ARHGAP26: variants seen among roughly 807,000 people sequenced by gnomAD.
The protein encoded by ARHGAP26 is rho GTPase-activating protein 26.
A neutral mutation model predicts 104.8 loss-of-function variants in ARHGAP26; 38 were observed. That is an observed-to-expected ratio of 0.36 (90% CI 0.28 to 0.48). ARHGAP26 has a LOEUF of 0.48. Ranked by LOEUF, ARHGAP26 falls within the 20% of genes least tolerant of loss-of-function variation. The pLI, the probability that ARHGAP26 is intolerant of heterozygous loss-of-function variation, is 0.99. For synonymous variants in ARHGAP26, 341 were observed against 340.0 expected (o/e 1.00, Z -0.03); for missense variants, 704 against 947.9 (o/e 0.74, Z 3.38).
intron 17 of ARHGAP26, among the ~76,000 whole-genome samples, chr5:143,080,427 G>T (rs1789639305): frequency 6.6e-6 from 1 of 152,190 alleles, no homozygotes. Context: ...AAGTATTGAG[G>T]ATGGACAAGG....
At chr5:143,197,813 T>C (rs1199532410) in intron 20 of ARHGAP26, among the ~76,000 whole-genome samples, 3 of 152,216 alleles carry the variant, frequency 2.0e-5, no homozygotes, top group Non-Finnish European at 4.4e-5. Flanking sequence ...ATGTATGGTG[T>C]GAGGTAGGGG....
chr5:142,807,591 G>A (rs542181132), intron 1 of ARHGAP26, among the ~76,000 whole-genome samples: 1 of 152,304 alleles, frequency 6.6e-6, no homozygotes, highest in South Asian at 2.1e-4. Flanking sequence ...GTCTACAGAC[G>A]GCTCTATTGA....
At chr5:142,846,748 G>T (rs1000240739) in intron 1 of ARHGAP26, among the ~76,000 whole-genome samples, 1 of 152,158 alleles carries the variant, frequency 6.6e-6, no homozygotes, top group African/African-American at 2.4e-5. Flanking sequence ...AGACACTTTG[G>T]TATCTTATTT....
chr5:143,057,147 A>G (rs899648252), intron 16 of ARHGAP26, among the ~76,000 whole-genome samples: 3 of 152,232 alleles, frequency 2.0e-5, no homozygotes, highest in African/African-American at 7.2e-5. Context: ...TCTTTCTAGC[A>G]GGCTGGTTGT....
chr5:142,943,944 A>G (rs1766743059), intron 11 of ARHGAP26, among the ~76,000 whole-genome samples: 1 of 151,978 alleles, frequency 6.6e-6, no homozygotes, highest in Non-Finnish European at 1.5e-5. Context: ...ATTTGCTTGA[A>G]TTTTTCATAA....
intron 11 of ARHGAP26, among the ~76,000 whole-genome samples, chr5:142,976,185 G>T (rs1184228797): frequency 6.6e-6 from 1 of 152,144 alleles, no homozygotes; most frequent in Non-Finnish European, 1.5e-5. Context: ...TCCCATGAAG[G>T]ATTCTGCAGA....
chr5:142,823,525 GT>G (rs1766620025), intron 1 of ARHGAP26, among the ~76,000 whole-genome samples: 1 of 151,498 alleles, frequency 6.6e-6, no homozygotes, highest in South Asian at 2.1e-4. Flanking sequence ...CACTCTTTTT[GT>G]TTTTGGAACA....
At chr5:142,836,176 G>A (rs745507038) in intron 1 of ARHGAP26, among the ~76,000 whole-genome samples, 5 of 152,158 alleles carry the variant, frequency 3.3e-5, no homozygotes, top group Non-Finnish European at 5.9e-5. Context: ...GGCATCCTGG[G>A]CAGGGGCTCT....
At chr5:142,860,773 G>C (rs1753177185) in intron 1 of ARHGAP26, among the ~76,000 whole-genome samples, 1 of 152,190 alleles carries the variant, frequency 6.6e-6, no homozygotes, top group African/African-American at 2.4e-5. Flanking sequence ...TAAACCCACT[G>C]TCATGATTTA....
intron 9 of ARHGAP26, among the ~76,000 whole-genome samples, chr5:142,912,218 AC>A (rs1426344206): frequency 6.6e-6 from 1 of 152,234 alleles, no homozygotes; most frequent in Non-Finnish European, 1.5e-5. Context: ...ATGGAATACT[AC>A]TCAACAATAA....
chr5:142,861,577 A>G (rs1219062413), intron 1 of ARHGAP26, among the ~76,000 whole-genome samples: 1 of 152,150 alleles, frequency 6.6e-6, no homozygotes, highest in African/African-American at 2.4e-5. Context: ...GAGGGAGTCA[A>G]AGTGGTAGGG....
At position 142,770,381 on chromosome 5, in the gene ARHGAP26, A is replaced by G. The variant is rs1412692687; in HGVS notation, c.-381A>G. The G allele has an allele frequency of 5.3e-6, 1 of 188,454 alleles. No individual in the cohort carries two copies. The highest frequency in any genetic ancestry group is 1.1e-5 in the Non-Finnish European group (1 of 89,392). The allele number at this position is 188,454 out of a possible 1,614,324, so 11.7% of individuals were successfully genotyped here. On this transcript the variant is annotated 5_prime_UTR_variant, in exon 1 of 23. Coordinates refer to ENST00000645722, the MANE Select transcript of ARHGAP26 (RefSeq NM_001135608.3). ...GCTAGCAGGTTCGAGCGGCCCAGAC[A>G]CCGGCGGGGCGGCCGAGGCTGCTGT...
intron 11 of ARHGAP26, among the ~76,000 whole-genome samples, chr5:142,990,751 A>G (rs188917123): frequency 6.6e-6 from 1 of 152,328 alleles, no homozygotes; most frequent in Admixed American, 6.5e-5. Flanking sequence ...TTGCCTGAGT[A>G]TCACCAGTGG....
chr5:142,781,877 A>G (rs1757574327), intron 1 of ARHGAP26, among the ~76,000 whole-genome samples: 1 of 151,920 alleles, frequency 6.6e-6, no homozygotes, highest in Admixed American at 6.6e-5. Flanking sequence ...ATGCCCGGCT[A>G]ATTTTTTGTA....
intron 1 of ARHGAP26, among the ~76,000 whole-genome samples, chr5:142,798,731 T>G (rs909197812): frequency 6.6e-6 from 1 of 152,200 alleles, no homozygotes; most frequent in African/African-American, 2.4e-5. Context: ...ATGTATGCAC[T>G]TGGTGAACAG....
chr5:142,844,027 T>C (rs1771362841), intron 1 of ARHGAP26, among the ~76,000 whole-genome samples: 1 of 151,746 alleles, frequency 6.6e-6, no homozygotes, highest in East Asian at 1.9e-4. Context: ...TTGACAAGTA[T>C]CATTACATGT....
chr5:142,941,057 T>C (rs1420045966), intron 11 of ARHGAP26, among the ~76,000 whole-genome samples: 1 of 111,636 alleles, frequency 9.0e-6, no homozygotes, highest in Non-Finnish European at 1.6e-5. Context: ...CCTGGGCGAC[T>C]GAGAGCGACT....
chr5:143,134,467 C>T (rs984999056), intron 19 of ARHGAP26, among the ~76,000 whole-genome samples: 2 of 152,104 alleles, frequency 1.3e-5, no homozygotes, highest in East Asian at 1.9e-4. Context: ...TTCCTTTTCT[C>T]GGTTGTAATG....
chr5:143,133,428 T>C (rs1318452309), intron 18 of ARHGAP26, among the ~76,000 whole-genome samples: 1 of 152,200 alleles, frequency 6.6e-6, no homozygotes, highest in Non-Finnish European at 1.5e-5. Context: ...GCTGCTGAAC[T>C]AGAAAAGGAT....
Sources: allele counts gnomAD v4.1 joint callset (sites outside exome capture counted in the v4.1 genomes callset), GRCh38; gene constraint gnomAD v4.1.1; transcripts MANE v1.5; gene names NCBI Gene and HGNC (gene_info 2026-07-23, HGNC 2026-07-21).